SLC1A3: variants seen among roughly 807,000 people sequenced by gnomAD.
SLC1A3 encodes the protein excitatory amino acid transporter 1.
SLC1A3 carries 21 observed loss-of-function variants against 48.1 expected under a neutral mutation model. The ratio of observed to expected loss-of-function variants is 0.44; its 90% CI spans 0.31 to 0.63. The LOEUF is 0.63. Among genes scored for constraint, SLC1A3 ranks in the 20% least tolerant of loss-of-function variants. The pLI is 0.08. For missense variants in SLC1A3, 546 were observed against 689.0 expected (o/e 0.79, Z 2.32); for synonymous variants, 239 against 251.4 (o/e 0.95, Z 0.47).
At chr5:36,667,091 A>G (rs991702926) in intron 3 of SLC1A3, among the ~76,000 whole-genome samples, 2 of 152,220 alleles carry the variant, frequency 1.3e-5, no homozygotes, top group African/African-American at 4.8e-5. Context: ...CTTGCTTGAT[A>G]AGTGGTTATT....
At chr5:36,635,653 C>T (rs75213183) in intron 3 of SLC1A3, among the ~76,000 whole-genome samples, 4,177 of 152,302 alleles carry the variant, frequency 0.027, 65 homozygotes, top group Non-Finnish European at 0.04. Flanking sequence ...GGTTATACAA[C>T]TGCTGTGTCT....
chr5:36,680,860 G>A (rs1202096065), intron 8 of SLC1A3, among the ~76,000 whole-genome samples: 1 of 151,412 alleles, frequency 6.6e-6, no homozygotes, highest in Non-Finnish European at 1.5e-5. Flanking sequence ...AGATTGCAGG[G>A]AGCTGAGATC....
chr5:36,627,612 AGC>A (rs1739962340), intron 2 of SLC1A3, among the ~76,000 whole-genome samples: 1 of 152,244 alleles, frequency 6.6e-6, no homozygotes, highest in Non-Finnish European at 1.5e-5. Context: ...GACAAAGTAA[AGC>A]CTGATACAGT....
In SLC1A3 at chr5:36,608,459, G is replaced by C. The variant is rs752951426; in HGVS notation, c.36G>C (p.Gly12=). Residue 12 remains glycine (G), a synonymous_variant, in exon 2 of 10, where the codon GGG becomes GGC. Coordinates refer to ENST00000265113, the MANE Select transcript of SLC1A3 (RefSeq NM_004172.5). The stretch of plus-strand genomic sequence containing the variant: ...GCAATGGAGAAGAGCCCAAGATGGG[G>C]GGCAGGATGGAGAGATTCCAGCAGG... ...TKSNGEEPKM[G]GRMERFQQGV... The C allele has an allele frequency of 1.4e-5, 23 of 1,613,938 alleles. No individual in the cohort carries two copies. Among genetic ancestry groups the C allele is most frequent in the Non-Finnish European group, 1.9e-5 (23 of 1,179,954 alleles).
At chr5:36,650,334 A>G (rs1741011239) in intron 3 of SLC1A3, among the ~76,000 whole-genome samples, 2 of 152,244 alleles carry the variant, frequency 1.3e-5, no homozygotes, top group African/African-American at 4.8e-5. Context: ...ACCCATTATC[A>G]CTTGTTAAAA....
intron 3 of SLC1A3, among the ~76,000 whole-genome samples, chr5:36,659,009 T>C (rs1741399067): frequency 1.3e-5 from 2 of 152,020 alleles, no homozygotes; most frequent in South Asian, 4.1e-4. Context: ...TACTGTGATA[T>C]ATGGCTTCCT....
At chr5:36,632,790 C>A (rs568769218) in intron 3 of SLC1A3, among the ~76,000 whole-genome samples, 11 of 152,294 alleles carry the variant, frequency 7.2e-5, no homozygotes, top group Admixed American at 2.6e-4. Flanking sequence ...AATTCTGAGA[C>A]ATCTAAGTTA....
Position 36,679,720 on chromosome 5 carries a change from C to T in SLC1A3, c.954C>T (p.Thr318=), listed in dbSNP as rs528899789. ...GVIGGQLAMY[T]VTVIVGLLIH... ...TTGGGGGGCAGCTTGCCATGTACAC[C>T]GTGACTGTCATTGTTGGCTTACTCA... The change falls in exon 7 of 10, where the codon ACC becomes ACT. Residue 318 remains threonine, a synonymous_variant. Transcript: ENST00000265113. 90 of 1,614,012 alleles carry T rather than the reference C, an allele frequency of 5.6e-5. 1 individual carries two copies. In the South Asian group the frequency reaches 7.2e-4, roughly 13 times the overall value.
intron 7 of SLC1A3, 74 bp downstream of exon 7, chr5:36,679,934 A>G: frequency 1.0e-6 from 1 of 1,001,086 alleles, no homozygotes; most frequent in Non-Finnish European, 1.6e-6. Context: ...GGTGTAGGAG[A>G]AGCCATTTTA....
chr5:36,651,015 C>A (rs1195691910), intron 3 of SLC1A3, among the ~76,000 whole-genome samples: 1 of 151,770 alleles, frequency 6.6e-6, no homozygotes, highest in Non-Finnish European at 1.5e-5. Flanking sequence ...TGCAGAGTTA[C>A]TTCATTATTA....
chr5:36,681,357 A>G (rs1007182872), intron 8 of SLC1A3, among the ~76,000 whole-genome samples: 3 of 152,196 alleles, frequency 2.0e-5, no homozygotes, highest in African/African-American at 7.2e-5. Context: ...TCTCCTTTTT[A>G]AAAGTGTTAG....
At chr5:36,597,756 G>A (rs761862424) in intron 1 of SLC1A3, among the ~76,000 whole-genome samples, 10 of 152,000 alleles carry the variant, frequency 6.6e-5, no homozygotes, top group Admixed American at 1.3e-4. Flanking sequence ...CATTTCTTCC[G>A]CCTGGCACGC....
chr5:36,667,292 G>A lies in SLC1A3; in HGVS notation c.320-3737G>A, dbSNP rs115705032. On this transcript the variant is annotated intron_variant, in intron 3 of 9. Transcript: ENST00000265113. ...CAGTGTTAATCAGCTTGATCTTAAA[G>A]TAGGTTTAGGGAATACTGAGTAATG... is the stretch of plus-strand genomic sequence containing the variant. Among the ~76,000 whole-genome samples, 646 of 152,326 alleles carry A rather than the reference G, an allele frequency of 4.2e-3. 5 individuals are homozygous for A. Among genetic ancestry groups the A allele is most frequent in the South Asian group, 0.013 (61 of 4,824 alleles).
At chr5:36,657,539 G>A (rs914220919) in intron 3 of SLC1A3, among the ~76,000 whole-genome samples, 5 of 152,098 alleles carry the variant, frequency 3.3e-5, no homozygotes, top group Admixed American at 6.5e-5. Context: ...TTTAATCAAC[G>A]ACTCAACAAC....
intron 3 of SLC1A3, among the ~76,000 whole-genome samples, chr5:36,659,796 T>G (rs978872079): frequency 6.6e-6 from 1 of 152,192 alleles, no homozygotes. Context: ...TTTGCCAGAG[T>G]ATCAAGAAGG....
chr5:36,644,055 AAATT>A (rs1740739230), intron 3 of SLC1A3, among the ~76,000 whole-genome samples: 1 of 148,562 alleles, frequency 6.7e-6, no homozygotes, highest in Non-Finnish European at 1.5e-5. Context: ...ATAAATAAAT[AAATT>A]GCAATGTGAA....
At chr5:36,665,488 A>G (rs1741703683) in intron 3 of SLC1A3, among the ~76,000 whole-genome samples, 1 of 152,196 alleles carries the variant, frequency 6.6e-6, no homozygotes, top group Non-Finnish European at 1.5e-5. Flanking sequence ...TGCAATGTAG[A>G]TATTGTTAGT....
rs1742105604 is a variant in SLC1A3 at position 36,674,084 on chromosome 5, T to A, written c.560T>A (p.Phe187Tyr). 6.2e-7 allele frequency: 1 copy of A among 1,612,916 alleles called. No homozygotes were observed. Among genetic ancestry groups the A allele is most frequent in the Non-Finnish European group, 8.5e-7 (1 of 1,179,108 alleles). ...MFPPNLVEAC[F>Y]KQFKTNYEKR... ...CCTCCAAATCTGGTAGAAGCCTGCT[T>A]TAAACAGGTAAACACTCTACAGACA... Residue 187 changes from phenylalanine (F) to tyrosine (Y), a missense_variant, in exon 5 of 10, where the codon TTT becomes TAT. Physicochemically the swap from Phe to Tyr is conservative, Grantham distance 22 (BLOSUM62 3). Coordinates refer to ENST00000265113, the MANE Select transcript of SLC1A3 (RefSeq NM_004172.5).
chr5:36,650,404 T>C (rs1293941319), intron 3 of SLC1A3, among the ~76,000 whole-genome samples: 2 of 152,256 alleles, frequency 1.3e-5, no homozygotes, highest in African/African-American at 2.4e-5. Flanking sequence ...CCATTTCTTT[T>C]CTTTCTCTTT....
Sources: gnomAD v4.1 joint callset for allele counts (sites outside exome capture counted in the v4.1 genomes callset) on GRCh38, gnomAD v4.1.1 for gene constraint, MANE v1.5 for transcripts, NCBI Gene and HGNC (gene_info 2026-07-23, HGNC 2026-07-21) for gene names.